Variants in RNF144B observed in about 807,000 individuals in gnomAD.
RNF144B encodes E3 ubiquitin-protein ligase RNF144B.
Under a neutral mutation model 40.2 loss-of-function variants are expected in RNF144B, and 25 were observed. The ratio of observed to expected loss-of-function variants is 0.62; its 90% confidence interval spans 0.45 to 0.87. The LOEUF (loss-of-function observed/expected upper bound fraction) is 0.87, where lower values mean the gene tolerates loss of function less well. Among genes scored for constraint, RNF144B ranks in the 40% least tolerant of loss-of-function variants. RNF144B has a pLI of 0.00. For synonymous variants in RNF144B, 145 were observed against 136.3 expected (o/e 1.06, Z -0.44); for missense variants, 365 against 373.7 (o/e 0.98, Z 0.19).
At chr6:18,430,376 G>T (rs1219367000) in intron 3 of RNF144B, among the ~76,000 whole-genome samples, 1 of 152,188 alleles carries the variant, frequency 6.6e-6, no homozygotes, top group Non-Finnish European at 1.5e-5. Flanking sequence ...AATGTAAGGG[G>T]CCAGTGTGCC....
At chr6:18,403,537 C>A (rs970255663) in intron 2 of RNF144B, among the ~76,000 whole-genome samples, 1 of 152,116 alleles carries the variant, frequency 6.6e-6, no homozygotes, top group African/African-American at 2.4e-5. Flanking sequence ...TTTTACTATT[C>A]ATTTCTTGGA....
rs75223892 is a variant in RNF144B, at chr6:18,421,454, T to C, written c.166-6127T>C. Reference sequence around the variant, plus strand: ...TTCCAATGACTAAGTGGTAATTCAGTGATCTTGTCACCTTTCTCTGTTGGA... The same window carrying C: ...TTCCAATGACTAAGTGGTAATTCAGCGATCTTGTCACCTTTCTCTGTTGGA... On this transcript the variant is annotated intron_variant, in intron 2 of 7. Coordinates refer to ENST00000259939, the MANE Select transcript of RNF144B (RefSeq NM_182757.4). Among the ~76,000 whole-genome samples the C allele has an allele frequency of 5.9e-3, 893 of 152,248 alleles. 3 individuals carry two copies. Among genetic ancestry groups the C allele is most frequent in the African/African-American group, 0.02 (837 of 41,540 alleles).
In RNF144B at chr6:18,422,792, T is replaced by C. The variant is rs1758460196; in HGVS notation, c.166-4789T>C. Among the ~76,000 whole-genome samples the C allele has an allele frequency of 6.6e-6, 1 of 152,034 alleles. No homozygotes were observed. Among genetic ancestry groups the C allele is most frequent in the South Asian group, 2.1e-4 (1 of 4,822 alleles). ...GCCTGCTTGGGCAACATAGACCCAA[T>C]TTCAATCAATCAATCAATAGTCGAG... On this transcript the variant is annotated intron_variant, in intron 2 of 7. Transcript: ENST00000259939. This position sits in a 1 kb window ranked among gnomAD's most constrained non-coding sequence, Gnocchi z 4.7.
chr6:18,432,408 A>G (rs1327398308), intron 3 of RNF144B, among the ~76,000 whole-genome samples: 1 of 152,216 alleles, frequency 6.6e-6, no homozygotes, highest in African/African-American at 2.4e-5. Context: ...AGCCAGGGAA[A>G]AGTAAAACTT....
chr6:18,463,060 T>C (rs887501621), intron 6 of RNF144B, among the ~76,000 whole-genome samples: 7 of 151,988 alleles, frequency 4.6e-5, no homozygotes, highest in African/African-American at 1.7e-4. Context: ...ACTACTCTTT[T>C]TTTTTCTTTT....
At chr6:18,440,750 T>C (rs1483600429) in intron 4 of RNF144B, among the ~76,000 whole-genome samples, 1 of 150,816 alleles carries the variant, frequency 6.6e-6, no homozygotes, top group Admixed American at 6.6e-5. Flanking sequence ...GATCTAGATC[T>C]GGCTTGGTCT....
Position 18,446,867 on chromosome 6 carries a change from G to C in RNF144B, c.331+7123G>C, listed in dbSNP as rs928837154. 4.0e-5 allele frequency among the ~76,000 whole-genome samples: 6 copies of C among 150,950 alleles called. No individual in the cohort carries two copies. The highest frequency in any genetic ancestry group is 7.4e-5 in the Non-Finnish European group (5 of 67,660). On this transcript the variant is annotated intron_variant, in intron 4 of 7. Coordinates refer to ENST00000259939, the MANE Select transcript of RNF144B (RefSeq NM_182757.4). The surrounding 1 kb of genome is among the most constrained non-coding windows in gnomAD (Gnocchi z 4.7). ...TGTGTGTGTGTGTGTGTGTGTGTGTGTGTGTGTCTGTGTGTGTGTTGTGTG... is the reference window on the plus strand; with the variant it reads ...TGTGTGTGTGTGTGTGTGTGTGTGTCTGTGTGTCTGTGTGTGTGTTGTGTG...
At chr6:18,427,117 G>A (rs570033651) in intron 2 of RNF144B, among the ~76,000 whole-genome samples, 58 of 152,300 alleles carry the variant, frequency 3.8e-4, no homozygotes, top group African/African-American at 1.1e-3. Context: ...GCTTTTAAGC[G>A]TGGTCCTAGA....
chr6:18,402,900 A>C lies in RNF144B; in HGVS notation c.165+3201A>C, dbSNP rs899570227. Among the ~76,000 whole-genome samples, 4 of 152,356 alleles carry C rather than the reference A, an allele frequency of 2.6e-5. No homozygotes were observed. The South Asian group carries it at 8.3e-4, about 32-fold the overall frequency. ...ATAAAGTGTAATATAAAGCAAGAGA[A>C]GCTGCATATACAGGAAAAATTGGGC... is the stretch of plus-strand genomic sequence containing the variant. On this transcript the variant is annotated intron_variant, in intron 2 of 7. Coordinates refer to ENST00000259939, the MANE Select transcript of RNF144B (RefSeq NM_182757.4).
At chr6:18,396,565 C>G in intron 1 of RNF144B, 1 of 985,422 alleles carries the variant, frequency 1.0e-6, no homozygotes, top group Non-Finnish European at 1.2e-6. Flanking sequence ...TGGGATGGTT[C>G]TGGCCTGTGT....
chr6:18,459,617 G>A lies in RNF144B; in HGVS notation c.547G>A (p.Gly183Arg), dbSNP rs1338759454. ...VLPTEHRALF[G>R]TDAEAPIKQC... Reference sequence around the variant, plus strand: ...CCATTTTGTTTCTAGAGCCCTCTTTGGGACAGATGCAGAAGCCCCCATTAA... The same window carrying A: ...CCATTTTGTTTCTAGAGCCCTCTTTAGGACAGATGCAGAAGCCCCCATTAA... The change falls in exon 6 of 8, where the codon GGG becomes AGG. Residue 183 changes from glycine to arginine, a missense_variant. Gly to Arg is a moderately radical substitution (Grantham distance 125). Coordinates refer to ENST00000259939, the MANE Select transcript of RNF144B (RefSeq NM_182757.4). This position sits in a 1 kb window ranked among gnomAD's most constrained non-coding sequence, Gnocchi z 4.2. 1 of 1,613,444 alleles carries A rather than the reference G, an allele frequency of 6.2e-7. No homozygotes were observed. Among genetic ancestry groups the A allele is most frequent in the East Asian group, 2.2e-5 (1 of 44,866 alleles).
intron 4 of RNF144B, among the ~76,000 whole-genome samples, chr6:18,454,145 G>A (rs1042364720): frequency 5.9e-5 from 9 of 152,106 alleles, no homozygotes; most frequent in African/African-American, 2.2e-4. Context: ...TCACACAGTT[G>A]GGTTCAAAGG....
In RNF144B at chr6:18,466,935, T is replaced by C. The variant is rs1392967183; in HGVS notation, c.*1868T>C. On this transcript the variant is annotated 3_prime_UTR_variant, in exon 8 of 8. Coordinates refer to ENST00000259939, the MANE Select transcript of RNF144B (RefSeq NM_182757.4). ...TGGGAATGGCAACCAACCAAAATCATTTTTAATCATTTATTAGAAATTTCT... is the reference window on the plus strand; with the variant it reads ...TGGGAATGGCAACCAACCAAAATCACTTTTAATCATTTATTAGAAATTTCT... 1 of 152,606 alleles carries C rather than the reference T, an allele frequency of 6.6e-6. No individual in the cohort carries two copies. The highest frequency in any genetic ancestry group is 1.5e-5 in the Non-Finnish European group (1 of 68,040). The allele number at this position is 152,606 out of a possible 1,614,324, so 9.5% of individuals were successfully genotyped here.
intron 2 of RNF144B, among the ~76,000 whole-genome samples, chr6:18,408,739 C>T (rs537168591): frequency 1.5e-4 from 23 of 152,088 alleles, no homozygotes; most frequent in East Asian, 3.9e-4. Flanking sequence ...AGCTGCATGG[C>T]GGGTCAGGAT....
rs1476103685 is a variant in RNF144B, at chr6:18,434,567, G to A, written c.271-5117G>A. Among the ~76,000 whole-genome samples, 2 of 152,132 alleles carry A rather than the reference G, an allele frequency of 1.3e-5. No homozygotes were observed. The highest frequency in any genetic ancestry group is 1.3e-4 in the Admixed American group (2 of 15,278). On this transcript the variant is annotated intron_variant, in intron 3 of 7. Transcript: ENST00000259939. This position sits in a 1 kb window ranked among gnomAD's most constrained non-coding sequence, Gnocchi z 4.1. The stretch of plus-strand genomic sequence containing the variant: ...TGGCTTCCCTGGATATGCTCTGCTA[G>A]GGATGAAATGGAAAAGCAAAGACAT...
In RNF144B at chr6:18,457,131, A is replaced by C; in HGVS notation, c.332-24A>C. ...TCAAACATGAATCGGGCAGACCATC[A>C]CATTTTCTTTCTTTACACTTTAGAA... On this transcript the variant is annotated intron_variant, in intron 4 of 7. Transcript: ENST00000259939. This position sits in a 1 kb window ranked among gnomAD's most constrained non-coding sequence, Gnocchi z 5.1. 1 of 1,554,198 alleles carries C rather than the reference A, an allele frequency of 6.4e-7. No individual in the cohort carries two copies. Among genetic ancestry groups the C allele is most frequent in the Non-Finnish European group, 8.9e-7 (1 of 1,126,612 alleles).
At position 18,434,366 on chromosome 6, in the gene RNF144B, GA is replaced by G. The variant is rs375523016; in HGVS notation, c.271-5317del. 0.1 allele frequency among the ~76,000 whole-genome samples: 15,569 copies of G among 152,020 alleles called. 1,014 individuals are homozygous for G. The highest frequency in any genetic ancestry group is 0.16 in the Middle Eastern group (48 of 294). On this transcript the variant is annotated intron_variant, in intron 3 of 7. Coordinates refer to ENST00000259939, the MANE Select transcript of RNF144B (RefSeq NM_182757.4). This position sits in a 1 kb window ranked among gnomAD's most constrained non-coding sequence, Gnocchi z 4.1. Reference sequence around the variant, plus strand: ...CCTTTTTTGCTTTGTTTTTTTCTGAGAGGGGGTAAGGTCAGTGTTAGTGTAG... The same window carrying G: ...CCTTTTTTGCTTTGTTTTTTTCTGAGGGGGGTAAGGTCAGTGTTAGTGTAG...
rs375566459 is a variant in RNF144B at position 18,425,545 on chromosome 6, A to ACTG, written c.166-2023_166-2021dup. ...TTGCTGCTGCTCTCTTCTATGTCCC[A>ACTG]CTGCTGCTGCTGCTGGATACCATGT... On this transcript the variant is annotated intron_variant, in intron 2 of 7. Transcript: ENST00000259939. The surrounding 1 kb of genome is among the most constrained non-coding windows in gnomAD (Gnocchi z 4.2). 2.5e-3 allele frequency among the ~76,000 whole-genome samples: 378 copies of ACTG among 152,000 alleles called. No individual in the cohort carries two copies. Among genetic ancestry groups the ACTG allele is most frequent in the African/African-American group, 8.9e-3 (369 of 41,478 alleles).
chr6:18,396,266 G>A (rs1464056959), intron 1 of RNF144B: 2 of 469,974 alleles, frequency 4.3e-6, no homozygotes, highest in Non-Finnish European at 5.6e-6. Flanking sequence ...CTAATTATAG[G>A]TATTCCATTA....
Sources: gnomAD v4.1 joint callset for allele counts (sites outside exome capture counted in the v4.1 genomes callset) on GRCh38, gnomAD v4.1.1 for gene constraint, Gnocchi (gnomAD v3.1) non-coding constraint, MANE v1.5 for transcripts, NCBI Gene and HGNC (gene_info 2026-07-23, HGNC 2026-07-21) for gene names.